TXNDC9: variants seen among roughly 807,000 people sequenced by gnomAD.
TXNDC9 encodes the protein thioredoxin domain containing 9.
Under a neutral mutation model 23.0 loss-of-function variants are expected in TXNDC9, and 7 were observed. That is an observed-to-expected ratio of 0.30 (90% CI 0.17 to 0.57). The LOEUF (loss-of-function observed/expected upper bound fraction) is 0.57, where lower values mean the gene tolerates loss of function less well. Ranked by LOEUF, TXNDC9 falls within the 20% of genes least tolerant of loss-of-function variation. TXNDC9 has a pLI of 0.90. For missense variants in TXNDC9, 198 were observed against 252.6 expected (o/e 0.78, Z 1.47); for synonymous variants, 72 against 90.6 (o/e 0.79, Z 1.17).
At chr2:99,309,190 T>G in the TXNDC9 span, among the ~76,000 whole-genome samples, 1 of 151,750 alleles carries the variant, frequency 6.6e-6, no homozygotes, top group African/African-American at 2.4e-5. Flanking sequence ...CTGGCCCGCA[T>G]GACGAAACCC....
chr2:99,327,935 C>T (rs1428634224), intron 2 of TXNDC9, among the ~76,000 whole-genome samples: 1 of 151,636 alleles, frequency 6.6e-6, no homozygotes, highest in Non-Finnish European at 1.5e-5. Context: ...CAGGCGGGCA[C>T]CAGTATGTCC....
chr2:99,326,092 A>G (rs2094212278), intron 3 of TXNDC9, among the ~76,000 whole-genome samples: 2 of 152,056 alleles, frequency 1.3e-5, no homozygotes, highest in South Asian at 4.1e-4. Flanking sequence ...TCACCTCATC[A>G]TATTTGTCAG....
chr2:99,322,567 C>G, intron 3 of TXNDC9: 8 of 1,515,050 alleles, frequency 5.3e-6, no homozygotes, highest in Non-Finnish European at 7.0e-6. Context: ...TTACAAGAAT[C>G]AGAAGTGCAC....
At chr2:99,322,394 T>C (rs2094204513) in intron 3 of TXNDC9, 185 bp from the exon 4 acceptor site, 2 of 1,213,642 alleles carry the variant, frequency 1.6e-6, no homozygotes, top group African/African-American at 1.5e-5. Flanking sequence ...GATTACGAGA[T>C]GGGAAAACAG....
chr2:99,313,889 T>C, the TXNDC9 span, among the ~76,000 whole-genome samples: 2 of 152,228 alleles, frequency 1.3e-5, no homozygotes, highest in Admixed American at 1.3e-4. Flanking sequence ...TATTCTAACA[T>C]CTGACTTCTC....
intron 4 of TXNDC9, among the ~76,000 whole-genome samples, 161 bp from the exon 5 acceptor site, chr2:99,319,960 TA>T (rs1417126077): frequency 6.6e-6 from 1 of 152,240 alleles, no homozygotes; most frequent in East Asian, 1.9e-4. Context: ...TATTGATGGT[TA>T]ATAGCCTTAA....
chr2:99,316,218 C>T (rs1404231077), downstream of TXNDC9, among the ~76,000 whole-genome samples: 1 of 151,782 alleles, frequency 6.6e-6, no homozygotes, highest in Non-Finnish European at 1.5e-5. Flanking sequence ...TTCTGTTGCC[C>T]ATGCTGGAGT....
At chr2:99,317,598 C>T (rs2094192013), downstream of TXNDC9, among the ~76,000 whole-genome samples, 1 of 152,156 alleles carries the variant, frequency 6.6e-6, no homozygotes, top group Non-Finnish European at 1.5e-5. Context: ...TTTGTTATCA[C>T]ATCCTACTAT....
chr2:99,316,004 T>C (rs190828589), downstream of TXNDC9, among the ~76,000 whole-genome samples: 1,504 of 152,320 alleles, frequency 9.9e-3, 10 homozygotes, highest in Non-Finnish European at 0.014. Context: ...TGGAGGTTTT[T>C]GTTTTTTTGA....
Position 99,336,226 on chromosome 2 carries a change from C to T in TXNDC9, c.-33+13G>A, listed in dbSNP as rs1468180620. ...CGTGGTGGTCGGATTCTTCTCACTA[C>T]CCTCTGCCTCACCTGAGCTCTCGGT... On this transcript the variant is annotated intron_variant, in intron 1 of 4. Transcript: ENST00000264255. 4.1e-6 allele frequency: 4 copies of T among 985,298 alleles called. No individual in the cohort carries two copies. The highest frequency in any genetic ancestry group is 1.2e-4 in the Admixed American group (2 of 16,262). The allele number at this position is 985,298 out of a possible 1,614,324, so 61.0% of individuals were successfully genotyped here.
intron 2 of TXNDC9, among the ~76,000 whole-genome samples, chr2:99,329,028 G>A (rs985269089): frequency 6.6e-5 from 10 of 152,142 alleles, no homozygotes; most frequent in Admixed American, 1.3e-4. Context: ...AACCCAATTC[G>A]TCTTGGGGAG....
chr2:99,318,742 T>G (rs546224220), downstream of TXNDC9, among the ~76,000 whole-genome samples: 1 of 152,280 alleles, frequency 6.6e-6, no homozygotes, highest in African/African-American at 2.4e-5. Flanking sequence ...TATTCCTGGG[T>G]TAGAGTTTCT....
At chr2:99,310,267 CAGA>C in the TXNDC9 span, among the ~76,000 whole-genome samples, 2 of 152,296 alleles carry the variant, frequency 1.3e-5, no homozygotes, top group African/African-American at 2.4e-5. Flanking sequence ...CTCTTTGGAG[CAGA>C]AGATTTTGGG....
At chr2:99,322,605 A>C in intron 3 of TXNDC9, 1 of 1,540,280 alleles carries the variant, frequency 6.5e-7, no homozygotes, top group Non-Finnish European at 8.7e-7. Context: ...GAAGTCATGA[A>C]GAAAAACTGA....
downstream of TXNDC9, among the ~76,000 whole-genome samples, chr2:99,316,107 A>ATTTCTT (rs1245412106): frequency 1.8e-3 from 214 of 119,858 alleles, 7 homozygotes; most frequent in East Asian, 0.047. Context: ...AAAGCTTTGC[A>ATTTCTT]TTTCTTTTTC....
intron 2 of TXNDC9, 141 bp downstream of exon 2, chr2:99,332,881 A>T (rs1364277486): frequency 1.4e-6 from 1 of 700,454 alleles, no homozygotes; most frequent in Non-Finnish European, 2.3e-6. Flanking sequence ...TTTCTGGGCA[A>T]ATTTTTAACA....
At chr2:99,325,948 T>C (rs961691938) in intron 3 of TXNDC9, among the ~76,000 whole-genome samples, 2 of 151,656 alleles carry the variant, frequency 1.3e-5, no homozygotes, top group Non-Finnish European at 2.9e-5. Context: ...GAGGTGGAGG[T>C]TGGAGTGAGC....
At chr2:99,320,276 G>A (rs1214286480) in intron 4 of TXNDC9, among the ~76,000 whole-genome samples, 1 of 152,118 alleles carries the variant, frequency 6.6e-6, no homozygotes, top group African/African-American at 2.4e-5. Flanking sequence ...CCAAAGTGCT[G>A]GGATTATAGG....
At chr2:99,317,738 A>G (rs895947226), downstream of TXNDC9, among the ~76,000 whole-genome samples, 1 of 150,828 alleles carries the variant, frequency 6.6e-6, no homozygotes, top group Admixed American at 6.6e-5. Flanking sequence ...TCCGCATCCC[A>G]AAGTACTGGT....
Sources: allele counts gnomAD v4.1 joint callset (sites outside exome capture counted in the v4.1 genomes callset), GRCh38; gene constraint gnomAD v4.1.1; transcripts MANE v1.5; gene names NCBI Gene and HGNC (gene_info 2026-07-23, HGNC 2026-07-21).